Variants in FCF1 observed in about 807,000 individuals in gnomAD.
The protein encoded by FCF1 is rRNA-processing protein FCF1 homolog.
Under a neutral mutation model 32.5 loss-of-function variants are expected in FCF1, and 17 were observed. That is an observed-to-expected ratio of 0.52 (90% CI 0.36 to 0.78). FCF1 has a LOEUF of 0.78. Among genes scored for constraint, FCF1 ranks in the 30% least tolerant of loss-of-function variants. The pLI is 0.00. For synonymous variants in FCF1, 84 were observed against 78.4 expected, an observed-to-expected ratio of 1.07 and a Z score of -0.38; for missense variants, 201 against 241.1, an observed-to-expected ratio of 0.83 and a Z score of 1.10.
chr14:74,715,445 A>G (rs2090405439), intron 3 of FCF1, among the ~76,000 whole-genome samples: 1 of 152,150 alleles, frequency 6.6e-6, no homozygotes, highest in Admixed American at 6.5e-5. Flanking sequence ...ACAGGTAGAT[A>G]CTGATCCATG....
In FCF1 at chr14:74,716,221, G is replaced by A. The variant is rs1412524682; in HGVS notation, c.292+122G>A. 4 of 931,014 alleles carry A rather than the reference G, an allele frequency of 4.3e-6. No homozygotes were observed. In the East Asian group the frequency reaches 7.4e-5, roughly 17 times the overall value. The allele number at this position is 931,014 out of a possible 1,614,324, so 57.7% of individuals were successfully genotyped here. A position where few individuals can be genotyped will look rare whatever the true frequency, so the allele number is the denominator to read the frequency against. ...AATTGCTGGCCATTTAATTTACAGTGGTCACCATAGCAGTGACCATGTTTA... is the reference window on the plus strand; with the variant it reads ...AATTGCTGGCCATTTAATTTACAGTAGTCACCATAGCAGTGACCATGTTTA... On this transcript the variant is annotated intron_variant, in intron 4 of 7. Transcript: ENST00000341162.
At chr14:74,718,145 G>A (rs547530752) in intron 4 of FCF1, among the ~76,000 whole-genome samples, 80 of 152,244 alleles carry the variant, frequency 5.3e-4, no homozygotes, top group Admixed American at 9.2e-4. Context: ...GATTGCAGGC[G>A]TGAGCCACCG....
At position 74,737,395 on chromosome 14, in the gene FCF1, T is replaced by G. The variant is rs1287354373; in HGVS notation, c.*2465T>G. The G allele has an allele frequency of 6.6e-6, 1 of 152,176 alleles. No individual in the cohort carries two copies. The highest frequency in any genetic ancestry group is 6.5e-5 in the Admixed American group (1 of 15,270). 9.4% of individuals were successfully genotyped at this position (152,176 alleles called of 1,614,324 possible). ...AAAAACCTATGTATTTGTGGGGATT[T>G]GGTATATTATTAAGGTGGTATTTCG... On this transcript the variant is annotated 3_prime_UTR_variant, in exon 8 of 8. Coordinates refer to ENST00000341162, the MANE Select transcript of FCF1 (RefSeq NM_015962.5).
chr14:74,715,450 T>C (rs1264498231), intron 3 of FCF1, among the ~76,000 whole-genome samples: 3 of 152,182 alleles, frequency 2.0e-5, no homozygotes, highest in African/African-American at 7.2e-5. Context: ...TAGATACTGA[T>C]CCATGGCCTA....
intron 4 of FCF1, among the ~76,000 whole-genome samples, chr14:74,718,473 T>TA (rs1439604859): frequency 2.6e-5 from 4 of 151,174 alleles, no homozygotes; most frequent in Non-Finnish European, 5.9e-5. Flanking sequence ...ATCTCAGTAT[T>TA]AAAATATATA....
At chr14:74,730,372 A>T (rs1206258797) in intron 5 of FCF1, among the ~76,000 whole-genome samples, 3 of 151,682 alleles carry the variant, frequency 2.0e-5, no homozygotes, top group African/African-American at 7.3e-5. Context: ...ACCACTATGC[A>T]TGTCTGATTA....
chr14:74,718,203 C>A (rs1270058858), intron 4 of FCF1, among the ~76,000 whole-genome samples: 1 of 152,116 alleles, frequency 6.6e-6, no homozygotes, highest in East Asian at 1.9e-4. Flanking sequence ...CTTTCTCTTC[C>A]TCTTACCTTG....
At chr14:74,714,604 T>C (rs1231824975) in intron 2 of FCF1, among the ~76,000 whole-genome samples, 3 of 152,178 alleles carry the variant, frequency 2.0e-5, no homozygotes, top group African/African-American at 7.2e-5. Context: ...GACTAAAAAA[T>C]AAATATAGTA....
chr14:74,716,419 G>C (rs1274535397), intron 4 of FCF1, among the ~76,000 whole-genome samples: 1 of 152,068 alleles, frequency 6.6e-6, no homozygotes, highest in Non-Finnish European at 1.5e-5. Flanking sequence ...CTATTTTTCA[G>C]TATCTATATT....
At chr14:74,731,861 T>TAGAAAGAG (rs2090642378) in intron 5 of FCF1, among the ~76,000 whole-genome samples, 1 of 152,320 alleles carries the variant, frequency 6.6e-6, no homozygotes, top group South Asian at 2.1e-4. Flanking sequence ...TGACTCATCA[T>TAGAAAGAG]CACTGTTAAT....
intron 4 of FCF1, among the ~76,000 whole-genome samples, chr14:74,721,626 G>T (rs1362761436): frequency 1.3e-5 from 2 of 151,896 alleles, no homozygotes; most frequent in Admixed American, 6.6e-5. Flanking sequence ...GCTTGAACCT[G>T]GGAGGCAGAG....
At chr14:74,733,238 TGA>T (rs1309714774) in intron 6 of FCF1, among the ~76,000 whole-genome samples, 1 of 152,230 alleles carries the variant, frequency 6.6e-6, no homozygotes, top group East Asian at 1.9e-4. Context: ...TAGTTAAATC[TGA>T]GAGTCTCCCA....
intron 4 of FCF1, among the ~76,000 whole-genome samples, chr14:74,719,190 G>C (rs2090464423): frequency 6.8e-6 from 1 of 146,692 alleles, no homozygotes; most frequent in Admixed American, 6.9e-5. Context: ...CCTAGCTACA[G>C]ATGCTCAGGT....
In FCF1 at chr14:74,734,160, T is replaced by C. The variant is rs1252219064; in HGVS notation, c.538T>C (p.Ser180Pro). ...KIPGVPIMYI[S>P]NHRYNIERMP... The stretch of plus-strand genomic sequence containing the variant: ...TCCTGGAGTTCCTATCATGTACATT[T>C]CTAACCATAGGTGAGAAATTTCCCT... Residue 180 changes from serine to proline, a missense_variant, in exon 7 of 8, where the codon TCT becomes CCT. This residue lies in a region of FCF1 where 121 missense variants were observed against 147.8 expected (regional missense o/e 0.82). Coordinates refer to ENST00000341162, the MANE Select transcript of FCF1 (RefSeq NM_015962.5). 1 of 1,609,090 alleles carries C rather than the reference T, an allele frequency of 6.2e-7. No homozygotes were observed. Among genetic ancestry groups the C allele is most frequent in the Non-Finnish European group, 8.5e-7 (1 of 1,175,568 alleles).
At chr14:74,714,413 A>G (rs558715951) in intron 2 of FCF1, among the ~76,000 whole-genome samples, 8 of 152,330 alleles carry the variant, frequency 5.3e-5, no homozygotes, top group South Asian at 2.1e-4. Flanking sequence ...ATTAATAATA[A>G]TTTCTTTCTA....
At position 74,713,548 on chromosome 14, in the gene FCF1, A is replaced by T. The variant is rs748726321; in HGVS notation, c.67A>T (p.Arg23Trp). The T allele has an allele frequency of 6.2e-7, 1 of 1,611,376 alleles. No homozygotes were observed. The highest frequency in any genetic ancestry group is 1.1e-5 in the South Asian group (1 of 90,994). Residue 23 changes from arginine (R) to tryptophan (W), a missense_variant, in exon 2 of 8, where the codon AGG (arginine) becomes TGG (tryptophan). Physicochemically the swap from Arg to Trp is moderately radical, Grantham distance 101. Around this residue, in one of 3 missense-constraint regions of FCF1, gnomAD observed 76 missense variants for 75.0 expected, o/e 1.01. Transcript: ENST00000341162. ...MKRMLSLRDQ[R>W]LKEKDRLKPK... ...GCGAATGCTTAGTCTCAGAGATCAG[A>T]GGCTGTGAGTGTCTGGAATCAACTG...
At chr14:74,731,683 G>A (rs574412377) in intron 5 of FCF1, among the ~76,000 whole-genome samples, 7 of 152,170 alleles carry the variant, frequency 4.6e-5, no homozygotes, top group African/African-American at 1.7e-4. Flanking sequence ...TGTCCTATTT[G>A]GTACCCTCAC....
intron 5 of FCF1, among the ~76,000 whole-genome samples, chr14:74,730,206 CTT>C (rs869067896): frequency 6.1e-4 from 67 of 109,382 alleles, no homozygotes; most frequent in African/African-American, 1.5e-3. Context: ...TGTGTATATG[CTT>C]TTTTTTTTTT....
chr14:74,714,243 G>A (rs919265630), intron 2 of FCF1, among the ~76,000 whole-genome samples: 1 of 152,146 alleles, frequency 6.6e-6, no homozygotes, highest in African/African-American at 2.4e-5. Context: ...CACCTGAGGT[G>A]AGGAGTTCAA....
Sources: allele counts gnomAD v4.1 joint callset (sites outside exome capture counted in the v4.1 genomes callset), GRCh38; gene constraint gnomAD v4.1.1; regional missense constraint gnomAD v4.1.1; transcripts MANE v1.5; gene names NCBI Gene and HGNC (gene_info 2026-07-23, HGNC 2026-07-21).